Variants in SORL1 observed in about 807,000 individuals in gnomAD.
SORL1 encodes sortilin-related receptor.
SORL1 carries 127 observed loss-of-function variants against 273.7 expected under a neutral mutation model. The ratio of observed to expected loss-of-function variants is 0.46; its 90% CI spans 0.40 to 0.54. The LOEUF is 0.54. Among genes scored for constraint, SORL1 ranks in the 20% least tolerant of loss-of-function variants. The pLI is 0.00. For synonymous variants in SORL1, 1,031 were observed against 1,067.4 expected, an observed-to-expected ratio of 0.97 and a Z score of 0.66; for missense variants, 2,494 against 2,846.1, an observed-to-expected ratio of 0.88 and a Z score of 2.81.
At chr11:121,582,671 C>T (rs943948336) in intron 25 of SORL1, among the ~76,000 whole-genome samples, 3 of 152,212 alleles carry the variant, frequency 2.0e-5, no homozygotes, top group Non-Finnish European at 4.4e-5. Flanking sequence ...AACAGTGACT[C>T]TCTTTCACTA....
At chr11:121,464,700 G>T (rs1256798545) in intron 1 of SORL1, among the ~76,000 whole-genome samples, 4 of 152,196 alleles carry the variant, frequency 2.6e-5, no homozygotes, top group Admixed American at 2.0e-4. Context: ...CAAGGTGTGG[G>T]TGGCATCCAC....
intron 1 of SORL1, among the ~76,000 whole-genome samples, chr11:121,459,926 C>A (rs1860968607): frequency 6.6e-6 from 1 of 152,200 alleles, no homozygotes. Context: ...CTTGCCATTG[C>A]TGTTGCTGCT....
At chr11:121,616,150 C>T (rs934013768) in intron 41 of SORL1, among the ~76,000 whole-genome samples, 1 of 152,128 alleles carries the variant, frequency 6.6e-6, no homozygotes, top group African/African-American at 2.4e-5. Flanking sequence ...AGCACATGAC[C>T]GCCTCATCAC....
chr11:121,530,505 T>A (rs1862187714), intron 11 of SORL1, among the ~76,000 whole-genome samples: 1 of 152,222 alleles, frequency 6.6e-6, no homozygotes, highest in Non-Finnish European at 1.5e-5. Context: ...GAGAAACCTC[T>A]CTTCACTTTA....
At chr11:121,521,050 G>A (rs1862034533) in intron 9 of SORL1, among the ~76,000 whole-genome samples, 2 of 142,536 alleles carry the variant, frequency 1.4e-5, no homozygotes, top group African/African-American at 5.2e-5. Context: ...CCACTTCTGG[G>A]CAGAAGCAAC....
At chr11:121,460,283 G>A (rs181823985) in intron 1 of SORL1, among the ~76,000 whole-genome samples, 3 of 152,266 alleles carry the variant, frequency 2.0e-5, no homozygotes, top group Admixed American at 2.0e-4. Flanking sequence ...ATAAATGTGG[G>A]GGTGAATCAA....
chr11:121,454,007 C>T (rs1391066311), intron 1 of SORL1, among the ~76,000 whole-genome samples: 1 of 152,216 alleles, frequency 6.6e-6, no homozygotes, highest in Admixed American at 6.5e-5. Flanking sequence ...AATGTGTGCC[C>T]CAGGGCATGT....
At chr11:121,532,688 T>C in intron 12 of SORL1, 136 bp downstream of exon 12, 1 of 175,732 alleles carries the variant, frequency 5.7e-6, no homozygotes, top group Non-Finnish European at 1.1e-5. Flanking sequence ...TGAGTTAAAC[T>C]TTTTTTTTTT....
Position 121,452,543 on chromosome 11 carries a change from G to A in SORL1, c.212G>A (p.Arg71His), listed in dbSNP as rs753467464. The A allele has an allele frequency of 4.0e-6, 6 of 1,495,292 alleles. No homozygotes were observed. In the East Asian group the frequency reaches 1.4e-4, roughly 34 times the overall value. The allele number at this position is 1,495,292 out of a possible 1,614,324, so 92.6% of individuals were successfully genotyped here. Residue 71 changes from arginine (R) to histidine (H), a missense_variant, in exon 1 of 48, where the codon CGC becomes CAC. Around this residue, in one of 3 missense-constraint regions of SORL1, gnomAD observed 175 missense variants for 147.1 expected, o/e 1.19. Transcript: ENST00000260197. This position sits in a 1 kb window ranked among gnomAD's most constrained non-coding sequence, Gnocchi z 5.3. ...WARGDARGAS[R>H]ADEKPLRRKR... is the part of the protein sequence containing the mutation. ...CGCGGGGATGCCAGGGGGGCGAGCC[G>A]CGCGGACGAGAAGCCGCTCCGGAGG...
In SORL1 at chr11:121,566,975, C is replaced by T. The variant is rs1260537522; in HGVS notation, c.3085C>T (p.Leu1029=). Residue 1029 remains leucine (L), a synonymous_variant, in exon 22 of 48, where the codon CTG becomes TTG. Transcript: ENST00000260197. The part of the protein sequence containing the change: ...NACVPRPCSL[L]CLPKANNSRS... ...CTGTGTGCCCAGGCCATGCAGCCTG[C>T]TGTGCCTGCCCAAGGCCAACAACAG... is the stretch of plus-strand genomic sequence containing the variant. 1 of 1,614,008 alleles carries T rather than the reference C, an allele frequency of 6.2e-7. No individual in the cohort carries two copies. Among genetic ancestry groups the T allele is most frequent in the South Asian group, 1.1e-5 (1 of 91,044 alleles).
In SORL1 at chr11:121,532,444, C is replaced by A. The variant is rs755625593; in HGVS notation, c.1597-20C>A. ...ATTACCTCCACAGCAGTGGTGTCACCATGGATTTTTCCTCTTCAGGCACTT... is the reference window on the plus strand; with the variant it reads ...ATTACCTCCACAGCAGTGGTGTCACAATGGATTTTTCCTCTTCAGGCACTT... On this transcript the variant is annotated intron_variant, in intron 11 of 47. Transcript: ENST00000260197. 1 of 1,611,792 alleles carries A rather than the reference C, an allele frequency of 6.2e-7. No homozygotes were observed. Among genetic ancestry groups the A allele is most frequent in the East Asian group, 2.2e-5 (1 of 44,862 alleles).
intron 3 of SORL1, among the ~76,000 whole-genome samples, chr11:121,487,392 C>T (rs932838183): frequency 2.6e-5 from 4 of 152,214 alleles, no homozygotes; most frequent in Admixed American, 2.0e-4. Context: ...TTCACTCATC[C>T]ACACAGAAGC....
chr11:121,514,211 C>T lies in SORL1; in HGVS notation c.1101C>T (p.Asn367=). Residue 367 remains asparagine (N), a synonymous_variant, in exon 8 of 48, where the codon AAC becomes AAT. Transcript: ENST00000260197. ...TGTTTGTGTGTGTCAGCCACAGTAACAACCGCACCAATTTATACATCTCAG... is the reference window on the plus strand; with the variant it reads ...TGTTTGTGTGTGTCAGCCACAGTAATAACCGCACCAATTTATACATCTCAG... ...DQVFVCVSHS[N]NRTNLYISEA... 6.2e-7 allele frequency: 1 copy of T among 1,614,232 alleles called. No homozygotes were observed.
chr11:121,509,115 T>A (rs1861834513), intron 6 of SORL1, among the ~76,000 whole-genome samples: 1 of 138,210 alleles, frequency 7.2e-6, no homozygotes, highest in South Asian at 2.3e-4. Flanking sequence ...TCATTTATGA[T>A]TTTTTTTTTT....
rs572716663 is a variant in SORL1, at chr11:121,462,733, C to T, written c.286-7274C>T. On this transcript the variant is annotated intron_variant, in intron 1 of 47. Coordinates refer to ENST00000260197, the MANE Select transcript of SORL1 (RefSeq NM_003105.6). ...CCTAGTAGCTGGGACTACAGGCATG[C>T]GCCACCAGGCCCGTCTAGTTTTTGT... Among the ~76,000 whole-genome samples the T allele has an allele frequency of 7.1e-4, 108 of 152,122 alleles. 1 individual carries two copies. Among genetic ancestry groups the T allele is most frequent in the Non-Finnish European group, 1.2e-3 (80 of 67,994 alleles).
chr11:121,575,094 A>T (rs527818002), intron 24 of SORL1, among the ~76,000 whole-genome samples: 1 of 152,238 alleles, frequency 6.6e-6, no homozygotes. Flanking sequence ...AAGGAATGAT[A>T]GAGATTCTCT....
intron 10 of SORL1, 92 bp downstream of exon 10, chr11:121,522,795 C>G: frequency 7.3e-7 from 1 of 1,367,716 alleles, no homozygotes; most frequent in South Asian, 1.2e-5. Context: ...CCAGCAGTAA[C>G]CACGCTTTGT....
intron 1 of SORL1, among the ~76,000 whole-genome samples, chr11:121,467,920 G>T (rs891087228): frequency 1.3e-5 from 2 of 152,176 alleles, no homozygotes; most frequent in African/African-American, 2.4e-5. Context: ...TTAAAGTAAG[G>T]TCGCCTTTCA....
chr11:121,508,389 C>T (rs1861820068), intron 6 of SORL1, among the ~76,000 whole-genome samples: 1 of 152,192 alleles, frequency 6.6e-6, no homozygotes, highest in African/African-American at 2.4e-5. Flanking sequence ...TTTTAGTTAG[C>T]CTCTTTTTAA....
Sources: gnomAD v4.1 joint callset for allele counts (sites outside exome capture counted in the v4.1 genomes callset) on GRCh38, gnomAD v4.1.1 for gene constraint, gnomAD v4.1.1 regional missense constraint, Gnocchi (gnomAD v3.1) non-coding constraint, MANE v1.5 for transcripts, NCBI Gene and HGNC (gene_info 2026-07-23, HGNC 2026-07-21) for gene names.